Variants in RADIL observed in about 807,000 individuals in gnomAD.
RADIL encodes Rap associating with DIL domain.
Under a neutral mutation model 97.6 loss-of-function variants are expected in RADIL, and 99 were observed. The ratio of observed to expected loss-of-function variants is 1.01; its 90% CI spans 0.86 to 1.20. RADIL has a LOEUF of 1.20. RADIL is among the 50% of genes most tolerant of loss of function. The pLI is 0.00. For synonymous variants in RADIL, 803 were observed against 691.8 expected, an observed-to-expected ratio of 1.16 and a Z score of -2.52; for missense variants, 1,765 against 1,498.9, an observed-to-expected ratio of 1.18 and a Z score of -2.93.
rs990726747 is a variant in RADIL at position 4,873,965 on chromosome 7, G to C, written c.535+3640C>G. Reference sequence around the variant, plus strand: ...ACCTCCTCCCCTTCTCTGGCTCTCAGTCGTTCCCCTTGGAGGGGCGAGGGA... The same window carrying C: ...ACCTCCTCCCCTTCTCTGGCTCTCACTCGTTCCCCTTGGAGGGGCGAGGGA... On this transcript the variant is annotated intron_variant, in intron 2 of 14. Coordinates refer to ENST00000399583, the MANE Select transcript of RADIL (RefSeq NM_018059.5). This position sits in a 1 kb window ranked among gnomAD's most constrained non-coding sequence, Gnocchi z 4.3. Among the ~76,000 whole-genome samples the C allele has an allele frequency of 4.1e-4, 63 of 152,358 alleles. No individual in the cohort carries two copies. The highest frequency in any genetic ancestry group is 1.4e-3 in the African/African-American group (59 of 41,582).
chr7:4,820,062 G>A (rs549529632), intron 6 of RADIL, among the ~76,000 whole-genome samples: 3 of 152,336 alleles, frequency 2.0e-5, no homozygotes, highest in Admixed American at 6.5e-5. Flanking sequence ...ACACAGAGCC[G>A]AAAAATCACA....
chr7:4,808,018 C>T (rs868559913), intron 9 of RADIL, among the ~76,000 whole-genome samples: 55 of 110,946 alleles, frequency 5.0e-4, no homozygotes, highest in African/African-American at 1.4e-3. Context: ...TCCCTCTCCT[C>T]TCCCTCCATC....
intron 2 of RADIL, among the ~76,000 whole-genome samples, chr7:4,838,276 T>G (rs960081206): frequency 8.6e-5 from 13 of 151,410 alleles, no homozygotes; most frequent in South Asian, 4.2e-4. Context: ...ATTGCACAAC[T>G]ATGGGGCCAG....
intron 1 of RADIL, chr7:4,882,277 G>C (rs948001744): frequency 2.0e-5 from 3 of 152,284 alleles, no homozygotes; most frequent in African/African-American, 7.2e-5. Flanking sequence ...AAAGGCCAAG[G>C]GGAGTGCAGG....
intron 2 of RADIL, among the ~76,000 whole-genome samples, chr7:4,864,376 C>A (rs891032075): frequency 9.2e-5 from 14 of 152,254 alleles, no homozygotes; most frequent in African/African-American, 3.1e-4. Context: ...TTTCTCCTCA[C>A]TGCATGTACA....
Position 4,878,005 on chromosome 7 carries a change from G to A in RADIL, c.135C>T (p.Ser45=), listed in dbSNP as rs1378064568. 7.4e-6 allele frequency: 12 copies of A among 1,611,294 alleles called. No individual in the cohort carries two copies. The highest frequency in any genetic ancestry group is 1.0e-5 in the Non-Finnish European group (12 of 1,179,530). ...CGGCGGGGTCATCGCTGGCGCCCAG[G>A]CTGGAGAAGGTGGAGTCCAGGTCCC... ...KYRDLDSTFS[S]LGASDDPAEL... is the part of the protein sequence containing the mutation. The change falls in exon 2 of 15, where the codon AGC becomes AGT. Residue 45 remains serine, a synonymous_variant. Coordinates refer to ENST00000399583, the MANE Select transcript of RADIL (RefSeq NM_018059.5). This position sits in a 1 kb window ranked among gnomAD's most constrained non-coding sequence, Gnocchi z 4.1.
chr7:4,836,310 T>A, intron 3 of RADIL, 48 bp downstream of exon 3: 1 of 1,553,478 alleles, frequency 6.4e-7, no homozygotes, highest in Non-Finnish European at 8.7e-7. Flanking sequence ...TCCCGCCTGC[T>A]GTCCCTGCAG....
chr7:4,881,077 G>A (rs535491864), intron 1 of RADIL, among the ~76,000 whole-genome samples: 133 of 133,328 alleles, frequency 1.0e-3, no homozygotes, highest in African/African-American at 3.5e-3. Flanking sequence ...TCCAGCCTGG[G>A]CAATGGAGTG....
rs546207504 is a variant in RADIL, at chr7:4,849,231, G to T, written c.536-12626C>A. 1.3e-5 allele frequency among the ~76,000 whole-genome samples: 2 copies of T among 152,178 alleles called. No individual in the cohort carries two copies. Among genetic ancestry groups the T allele is most frequent in the South Asian group, 2.1e-4 (1 of 4,826 alleles). ...GAGTTCAAAACTGGGAAGAAGGAAC[G>T]GCTATGGCAGAGAACTGCTGTTTTG... On this transcript the variant is annotated intron_variant, in intron 2 of 14. Coordinates refer to ENST00000399583, the MANE Select transcript of RADIL (RefSeq NM_018059.5). This position sits in a 1 kb window ranked among gnomAD's most constrained non-coding sequence, Gnocchi z 5.4.
chr7:4,846,607 GC>G (rs1783581308), intron 2 of RADIL, among the ~76,000 whole-genome samples: 1 of 145,646 alleles, frequency 6.9e-6, no homozygotes, highest in Non-Finnish European at 1.5e-5. Context: ...GTGCAGTGGT[GC>G]TGTCTCAGCT....
chr7:4,816,107 T>C lies in RADIL; in HGVS notation c.1966+121A>G, dbSNP rs1782671158. Reference sequence around the variant, plus strand: ...CTCACCCCTCAGGGACACCAGACGCTCAGGGAGCAGGAGGCCAAAAAGGGC... The same window carrying C: ...CTCACCCCTCAGGGACACCAGACGCCCAGGGAGCAGGAGGCCAAAAAGGGC... On this transcript the variant is annotated intron_variant, in intron 8 of 14. Transcript: ENST00000399583. 3.4e-6 allele frequency: 3 copies of C among 884,692 alleles called. No homozygotes were observed. The South Asian group carries it at 4.8e-5, about 14-fold the overall frequency. The allele number at this position is 884,692 out of a possible 1,614,324, so 54.8% of individuals were successfully genotyped here.
intron 9 of RADIL, among the ~76,000 whole-genome samples, chr7:4,810,945 T>C (rs1782526653): frequency 6.6e-6 from 1 of 152,198 alleles, no homozygotes; most frequent in Non-Finnish European, 1.5e-5. Flanking sequence ...TCCACCAGCC[T>C]GGTCAACATG....
intron 2 of RADIL, among the ~76,000 whole-genome samples, chr7:4,852,862 C>G (rs1373624924): frequency 1.3e-5 from 2 of 152,110 alleles, no homozygotes; most frequent in Non-Finnish European, 2.9e-5. Context: ...CACTTTTGAA[C>G]CAGAGTGATT....
chr7:4,878,845 G>A lies in RADIL; in HGVS notation c.-64-642C>T, dbSNP rs1056423190. On this transcript the variant is annotated intron_variant, in intron 1 of 14. Coordinates refer to ENST00000399583, the MANE Select transcript of RADIL (RefSeq NM_018059.5). This position sits in a 1 kb window ranked among gnomAD's most constrained non-coding sequence, Gnocchi z 4.1. ...ACCATCACAGCCACAGAAGAGCAGC[G>A]GGCAGCCCAAGGGCAAAGCTTCGCC... is the stretch of plus-strand genomic sequence containing the variant. Among the ~76,000 whole-genome samples, 2 of 152,234 alleles carry A rather than the reference G, an allele frequency of 1.3e-5. No homozygotes were observed. Among genetic ancestry groups the A allele is most frequent in the African/African-American group, 2.4e-5 (1 of 41,466 alleles).
intron 2 of RADIL, among the ~76,000 whole-genome samples, chr7:4,876,375 AC>A (rs1418015131): frequency 6.6e-6 from 1 of 151,986 alleles, no homozygotes; most frequent in Non-Finnish European, 1.5e-5. Context: ...ATCTCGGCTC[AC>A]TGCAACCTCC....
intron 2 of RADIL, among the ~76,000 whole-genome samples, chr7:4,875,864 G>T (rs540024215): frequency 6.6e-6 from 1 of 152,150 alleles, no homozygotes; most frequent in Admixed American, 6.5e-5. Context: ...TCGTGACATG[G>T]CAGGGTCAGG....
At position 4,877,987 on chromosome 7, in the gene RADIL, G is replaced by A. The variant is rs761408525; in HGVS notation, c.153C>T (p.Asp51=). The A allele has an allele frequency of 1.2e-6, 2 of 1,609,600 alleles. No homozygotes were observed. Among genetic ancestry groups the A allele is most frequent in the Non-Finnish European group, 8.5e-7 (1 of 1,178,904 alleles). ...ACAGCTGGGTGGAGAGCTCGGCGGG[G>A]TCATCGCTGGCGCCCAGGCTGGAGA... ...STFSSLGASD[D]PAELSTQLSA... is the part of the protein sequence containing the mutation. Residue 51 remains aspartate, a synonymous_variant, in exon 2 of 15, where the codon GAC becomes GAT. Coordinates refer to ENST00000399583, the MANE Select transcript of RADIL (RefSeq NM_018059.5).
At chr7:4,844,760 ACGCCCAG>A (rs2115013943) in intron 2 of RADIL, among the ~76,000 whole-genome samples, 1 of 152,098 alleles carries the variant, frequency 6.6e-6, no homozygotes, top group African/African-American at 2.4e-5. Context: ...GCACACCACC[ACGCCCAG>A]CTAATTTTGT....
At chr7:4,853,105 T>C (rs1354098621) in intron 2 of RADIL, among the ~76,000 whole-genome samples, 2 of 152,030 alleles carry the variant, frequency 1.3e-5, no homozygotes, top group Non-Finnish European at 2.9e-5. Flanking sequence ...GGTGAGTGTA[T>C]TTTGCATGTG....
Sources: allele counts gnomAD v4.1 joint callset (sites outside exome capture counted in the v4.1 genomes callset), GRCh38; gene constraint gnomAD v4.1.1; non-coding constraint Gnocchi (gnomAD v3.1); transcripts MANE v1.5; gene names NCBI Gene and HGNC (gene_info 2026-07-23, HGNC 2026-07-21).